The following ANO10 variants were observed in gnomAD, a reference collection of about 807,000 sequenced individuals.
ANO10 encodes the protein anoctamin 10.
Under a neutral mutation model 74.7 loss-of-function variants are expected in ANO10, and 77 were observed. The ratio of observed to expected loss-of-function variants is 1.03; its 90% confidence interval spans 0.86 to 1.25. The LOEUF (loss-of-function observed/expected upper bound fraction) is 1.25. Among genes scored for constraint, ANO10 ranks in the 50% most tolerant of loss-of-function variants. The probability of loss-of-function intolerance (pLI) is 0.00; values close to 1 mark genes in which losing one functional copy is unlikely to be tolerated. For synonymous variants in ANO10, 279 were observed against 284.9 expected (o/e 0.98, Z 0.21); for missense variants, 721 against 778.1 (o/e 0.93, Z 0.87).
chr3:43,567,984 G>C (rs1258596809), intron 7 of ANO10, among the ~76,000 whole-genome samples: 1 of 151,924 alleles, frequency 6.6e-6, no homozygotes, highest in Non-Finnish European at 1.5e-5. Context: ...AAAGGATGGA[G>C]GAAGATCTAC....
At chr3:43,497,119 C>T (rs187665903) in intron 11 of ANO10, among the ~76,000 whole-genome samples, 14 of 152,224 alleles carry the variant, frequency 9.2e-5, no homozygotes, top group South Asian at 2.1e-4. Flanking sequence ...TGTCACATTT[C>T]GAAAGATTTT....
intron 12 of ANO10, among the ~76,000 whole-genome samples, chr3:43,372,126 A>C (rs1337191489): frequency 6.6e-6 from 1 of 152,180 alleles, no homozygotes; most frequent in African/African-American, 2.4e-5. Flanking sequence ...CACAAGTGCC[A>C]GTGCTCCAGC....
Position 43,577,258 on chromosome 3 carries a change from C to T in ANO10, c.596G>A (p.Ser199Asn). Residue 199 changes from serine (S) to asparagine (N), a missense_variant, in exon 6 of 13, where the codon AGT becomes AAT. By Grantham distance (46) the Ser-to-Asn change is conservative. Transcript: ENST00000292246. ...TGTTTCCCCAAAGTAGCCACGAATA[C>T]TGTCTATAGTGGAAACAAAGAAAGA... ...RFALKYQPID[S>N]IRGYFGETIA... 6.2e-7 allele frequency: 1 copy of T among 1,613,748 alleles called. No homozygotes were observed. The highest frequency in any genetic ancestry group is 2.2e-5 in the East Asian group (1 of 44,870).
At chr3:43,418,183 AG>A (rs2092770466) in intron 12 of ANO10, among the ~76,000 whole-genome samples, 1 of 152,186 alleles carries the variant, frequency 6.6e-6, no homozygotes, top group Non-Finnish European at 1.5e-5. Flanking sequence ...AGGCTGAGGC[AG>A]GGGAATCGTC....
intron 11 of ANO10, among the ~76,000 whole-genome samples, chr3:43,433,344 A>G (rs1314613852): frequency 6.6e-6 from 1 of 152,148 alleles, no homozygotes; most frequent in Non-Finnish European, 1.5e-5. Context: ...GAAGTCTTCC[A>G]CAAACTCTTT....
At chr3:43,641,632 C>A (rs146393825) in intron 1 of ANO10, among the ~76,000 whole-genome samples, 105 of 152,238 alleles carry the variant, frequency 6.9e-4, no homozygotes, top group African/African-American at 2.3e-3. Flanking sequence ...GTTGAAGTAC[C>A]ATATATTCTA....
intron 3 of ANO10, among the ~76,000 whole-genome samples, chr3:43,599,722 G>T (rs1044404942): frequency 6.6e-6 from 1 of 151,874 alleles, no homozygotes; most frequent in Admixed American, 6.6e-5. Flanking sequence ...TGGCTAACAC[G>T]GTGAAACCCC....
At chr3:43,417,916 T>TA (rs1263415534) in intron 12 of ANO10, among the ~76,000 whole-genome samples, 1 of 152,228 alleles carries the variant, frequency 6.6e-6, no homozygotes, top group East Asian at 1.9e-4. Context: ...GATGGTTCGA[T>TA]AACAGCAATG....
intron 11 of ANO10, among the ~76,000 whole-genome samples, chr3:43,475,300 AT>A: frequency 6.6e-6 from 1 of 152,084 alleles, no homozygotes; most frequent in South Asian, 2.1e-4. Context: ...GAACCTGTGA[AT>A]TTTTTTTCTT....
At chr3:43,606,840 G>A (rs896232733) in intron 1 of ANO10, among the ~76,000 whole-genome samples, 11 of 152,054 alleles carry the variant, frequency 7.2e-5, no homozygotes, top group Non-Finnish European at 1.6e-4. Context: ...CAGGACAGCA[G>A]ATTAAAGGGT....
Position 43,691,036 on chromosome 3 carries a change from A to G in ANO10, c.-12+481T>C. 1.9e-6 allele frequency: 3 copies of G among 1,556,568 alleles called. No individual in the cohort carries two copies. The highest frequency in any genetic ancestry group is 1.7e-6 in the Non-Finnish European group (2 of 1,153,764). On this transcript the variant is annotated intron_variant, in intron 1 of 3. Transcript: ENST00000413397. Reference sequence around the variant, plus strand: ...GAGGTGGACTCTGCCGACACCGGAGAGAGGTAAGCGCAGCCGGCAGGGGGC... The same window carrying G: ...GAGGTGGACTCTGCCGACACCGGAGGGAGGTAAGCGCAGCCGGCAGGGGGC...
rs1436268520 is a variant in ANO10, at chr3:43,643,630, T to G, written c.-11-37767A>C. On this transcript the variant is annotated intron_variant, in intron 1 of 3. Transcript: ENST00000413397. ...GACTTTTGCCCATATTTTTATGCAA[T>G]TTTGGAGCTTATCCATTGTTAAAAG... Among the ~76,000 whole-genome samples the G allele has an allele frequency of 2.0e-5, 3 of 151,820 alleles. No individual in the cohort carries two copies. In the East Asian group the frequency reaches 5.8e-4, roughly 29 times the overall value.
intron 11 of ANO10, among the ~76,000 whole-genome samples, chr3:43,458,487 A>G (rs2075237891): frequency 6.6e-6 from 1 of 152,204 alleles, no homozygotes; most frequent in Non-Finnish European, 1.5e-5. Flanking sequence ...CCTTTTACTT[A>G]CCATAACAAT....
intron 12 of ANO10, among the ~76,000 whole-genome samples, chr3:43,411,424 A>G (rs2148892689): frequency 6.6e-6 from 1 of 152,364 alleles, no homozygotes; most frequent in East Asian, 1.9e-4. Flanking sequence ...TTTGAGAGAC[A>G]TAACGTAAAT....
At chr3:43,572,986 A>G (rs1027161191) in intron 7 of ANO10, among the ~76,000 whole-genome samples, 3 of 151,692 alleles carry the variant, frequency 2.0e-5, no homozygotes, top group Admixed American at 2.0e-4. Flanking sequence ...AGAAGACTTT[A>G]ACCAACGGCT....
chr3:43,552,765 T>G (rs1453508646), intron 10 of ANO10, among the ~76,000 whole-genome samples: 1 of 149,708 alleles, frequency 6.7e-6, no homozygotes, highest in Non-Finnish European at 1.5e-5. Context: ...TATGTATGTA[T>G]GTATATGTGT....
chr3:43,663,834 G>C (rs887543011), intron 1 of ANO10, among the ~76,000 whole-genome samples: 14 of 152,086 alleles, frequency 9.2e-5, no homozygotes, highest in African/African-American at 2.9e-4. Flanking sequence ...GAGATGTGAA[G>C]GACCTCTTCA....
At chr3:43,384,999 G>A (rs1575621176) in intron 12 of ANO10, among the ~76,000 whole-genome samples, 1 of 152,150 alleles carries the variant, frequency 6.6e-6, no homozygotes, top group Non-Finnish European at 1.5e-5. Context: ...CAGAGTGGGA[G>A]AAAATCTTCA....
intron 11 of ANO10, among the ~76,000 whole-genome samples, chr3:43,548,881 G>C (rs1251769592): frequency 6.6e-6 from 1 of 152,152 alleles, no homozygotes; most frequent in Non-Finnish European, 1.5e-5. Context: ...AACGTAAAAA[G>C]AGCACAGACA....
Sources: allele counts gnomAD v4.1 joint callset (sites outside exome capture counted in the v4.1 genomes callset), GRCh38; gene constraint gnomAD v4.1.1; transcripts MANE v1.5; gene names NCBI Gene and HGNC (gene_info 2026-07-23, HGNC 2026-07-21).